Variants in MYO5A observed in about 807,000 individuals in gnomAD.
MYO5A encodes myosin VA, also known as unconventional myosin-Va.
A neutral mutation model predicts 249.7 loss-of-function variants in MYO5A; 98 were observed. The ratio of observed to expected loss-of-function variants is 0.39; its 90% confidence interval spans 0.33 to 0.46. MYO5A has a LOEUF of 0.46. MYO5A is among the 20% of genes least tolerant of loss of function. MYO5A has a pLI of 0.98. For synonymous variants in MYO5A, 778 were observed against 810.6 expected (o/e 0.96, Z 0.68); for missense variants, 1,696 against 2,308.8 (o/e 0.73, Z 5.44).
At chr15:52,437,759 C>T (rs993298182) in intron 1 of MYO5A, among the ~76,000 whole-genome samples, 3 of 152,090 alleles carry the variant, frequency 2.0e-5, no homozygotes, top group African/African-American at 4.8e-5. Context: ...TAGAAAGTGC[C>T]TTCATGTTCT....
At position 52,313,838 on chromosome 15, in the gene MYO5A, C is replaced by G. The variant is rs754970527; in HGVS notation, c.5501G>C (p.Arg1834Pro). ...SFIRTIQMRL[R>P]DRKDSPQLLM... is the part of the protein sequence containing the mutation. The stretch of plus-strand genomic sequence containing the variant: ...CAGCTGGGGAGAGTCTTTCCTGTCT[C>G]GTAAACGCATCTGAGAAGATTAGGA... The change falls in exon 42 of 42, where the codon CGA becomes CCA. Residue 1834 changes from arginine to proline, a missense_variant. Physicochemically the swap from Arg to Pro is moderately radical, Grantham distance 103. Coordinates refer to ENST00000399233, the MANE Select transcript of MYO5A (RefSeq NM_001382347.1). The G allele has an allele frequency of 6.2e-7, 1 of 1,613,630 alleles. No homozygotes were observed. Among genetic ancestry groups the G allele is most frequent in the Non-Finnish European group, 8.5e-7 (1 of 1,179,926 alleles).
At chr15:52,448,938 T>TC (rs1219225273) in intron 1 of MYO5A, among the ~76,000 whole-genome samples, 1 of 150,774 alleles carries the variant, frequency 6.6e-6, no homozygotes, top group Non-Finnish European at 1.5e-5. Context: ...TTCTTTTTTT[T>TC]TTTTCTTTTC....
rs560771541 is a variant in MYO5A at position 52,374,669 on chromosome 15, G to A, written c.2577+635C>T. 3.3e-5 allele frequency among the ~76,000 whole-genome samples: 5 copies of A among 152,330 alleles called. No homozygotes were observed. In the South Asian group the frequency reaches 1.0e-3, roughly 32 times the overall value. On this transcript the variant is annotated intron_variant, in intron 20 of 41. Transcript: ENST00000399233. ...TGGACTGATGTGGCTACAAGCACAG[G>A]AATGCTGGCAGCCACCAGAAGCTGC...
intron 1 of MYO5A, among the ~76,000 whole-genome samples, chr15:52,438,601 C>G (rs759626416): frequency 6.6e-6 from 1 of 152,162 alleles, no homozygotes. Flanking sequence ...TTAGCTCACA[C>G]CCGAGCCATC....
chr15:52,497,202 T>C (rs2077055276), intron 1 of MYO5A, among the ~76,000 whole-genome samples: 1 of 152,008 alleles, frequency 6.6e-6, no homozygotes, highest in Admixed American at 6.6e-5. Context: ...GATCAAGGGA[T>C]CCACCCACAT....
At chr15:52,523,072 T>G (rs1693506) in intron 1 of MYO5A, among the ~76,000 whole-genome samples, 111,630 of 152,156 alleles carry the variant, frequency 0.73, 42,706 homozygotes, top group Non-Finnish European at 0.83. Context: ...GCAGTCAAAA[T>G]TTGTGATGAA....
Position 52,313,559 on chromosome 15 carries a change from T to C in MYO5A, c.*137A>G. 1.8e-6 allele frequency: 2 copies of C among 1,103,918 alleles called. No homozygotes were observed. Among genetic ancestry groups the C allele is most frequent in the Non-Finnish European group, 2.7e-6 (2 of 752,692 alleles). The allele number at this position is 1,103,918 out of a possible 1,614,324, so 68.4% of individuals were successfully genotyped here. ...AAGTGATGAAAGTATTCTAGGGAGA[T>C]TTCCAGTTAATGACTTCTCATTTGG... is the stretch of plus-strand genomic sequence containing the variant. On this transcript the variant is annotated 3_prime_UTR_variant, in exon 42 of 42. Transcript: ENST00000399233.
intron 40 of MYO5A, among the ~76,000 whole-genome samples, chr15:52,315,916 A>G (rs1022250929): frequency 7.9e-5 from 12 of 151,956 alleles, no homozygotes; most frequent in Admixed American, 2.0e-4. Flanking sequence ...TGAAAATTTC[A>G]TATGTTGTAG....
Position 52,336,512 on chromosome 15 carries a change from T to C in MYO5A, c.4359A>G (p.Lys1453=). Residue 1453 remains lysine (K), a synonymous_variant, in exon 34 of 42, where the codon AAA becomes AAG. Transcript: ENST00000399233. ...QLEKQDKTVR[K]LKKQLKVFAK... is the part of the protein sequence containing the mutation. ...CAAATACTTTCAGTTGTTTTTTCAG[T>C]TTACGGACCGTCTTATCCTGTTTTT... 1.2e-6 allele frequency: 2 copies of C among 1,608,950 alleles called. No individual in the cohort carries two copies. The highest frequency in any genetic ancestry group is 1.1e-5 in the South Asian group (1 of 90,412).
chr15:52,387,691 C>G (rs2042026138), intron 14 of MYO5A, 138 bp downstream of exon 14: 1 of 672,988 alleles, frequency 1.5e-6, no homozygotes, highest in Non-Finnish European at 2.6e-6. Flanking sequence ...AGCTAAATTA[C>G]TTTGACTAAC....
intron 1 of MYO5A, among the ~76,000 whole-genome samples, chr15:52,512,994 C>T (rs1595824982): frequency 6.7e-6 from 1 of 149,902 alleles, no homozygotes; most frequent in Non-Finnish European, 1.5e-5. Context: ...GGTGACAGAG[C>T]CAGACTCTGT....
At chr15:52,405,417 A>G (rs1486040112) in intron 8 of MYO5A, 24 bp from the exon 9 acceptor site, 4 of 1,516,784 alleles carry the variant, frequency 2.6e-6, no homozygotes, top group Non-Finnish European at 2.7e-6. Flanking sequence ...GTGAATGAAC[A>G]AGTGATTAAT....
At chr15:52,448,716 T>C (rs1013917541) in intron 1 of MYO5A, among the ~76,000 whole-genome samples, 18 of 152,154 alleles carry the variant, frequency 1.2e-4, no homozygotes, top group South Asian at 8.3e-4. Flanking sequence ...GTTCTTGTGA[T>C]AGCGAATTAT....
chr15:52,330,449 G>A lies in MYO5A; in HGVS notation c.4459C>T (p.Arg1487Ter). 1 of 1,613,964 alleles carries A rather than the reference G, an allele frequency of 6.2e-7. No homozygotes were observed. The highest frequency in any genetic ancestry group is 8.5e-7 in the Non-Finnish European group (1 of 1,179,958). The change falls in exon 35 of 42, where the codon CGA (arginine) becomes TGA (stop). Residue 1487 changes from arginine to a stop codon, truncating the protein, a stop_gained. Coordinates refer to ENST00000399233, the MANE Select transcript of MYO5A (RefSeq NM_001382347.1). LOFTEE classifies it high-confidence loss of function. ...SPGQIIDEPI[R>*]PVNIPRKEKD... is the part of the protein sequence containing the mutation. ...TCTTTCCTGGGAATGTTGACTGGTC[G>A]GATGGGTTCATCAATGATCTGTCCT...
rs1055376275 is a variant in MYO5A, at chr15:52,318,913, C to T, written c.5234+147G>A. The T allele has an allele frequency of 1.2e-5, 12 of 998,404 alleles. No homozygotes were observed. The African/African-American group carries it at 1.9e-4, about 16-fold the overall frequency. 61.8% of individuals were successfully genotyped at this position (998,404 alleles called of 1,614,324 possible). On this transcript the variant is annotated intron_variant, in intron 39 of 41. Coordinates refer to ENST00000399233, the MANE Select transcript of MYO5A (RefSeq NM_001382347.1). ...AATCCAGCCAGGCAAGGGAAAGTGGCTCCGTGCCAGTTTCTCCCTTGCTGC... is the reference window on the plus strand; with the variant it reads ...AATCCAGCCAGGCAAGGGAAAGTGGTTCCGTGCCAGTTTCTCCCTTGCTGC...
intron 1 of MYO5A, among the ~76,000 whole-genome samples, chr15:52,444,949 C>T (rs1218466102): frequency 6.6e-6 from 1 of 152,196 alleles, no homozygotes; most frequent in East Asian, 1.9e-4. Context: ...GGTGCCAAAA[C>T]AGTACCTGGG....
intron 1 of MYO5A, among the ~76,000 whole-genome samples, chr15:52,437,677 A>G (rs1365932119): frequency 6.6e-6 from 1 of 152,110 alleles, no homozygotes; most frequent in African/African-American, 2.4e-5. Context: ...AAACACAAAA[A>G]AGGAAAATGT....
At chr15:52,494,698 G>T (rs1225858572) in intron 1 of MYO5A, among the ~76,000 whole-genome samples, 2 of 152,022 alleles carry the variant, frequency 1.3e-5, no homozygotes, top group Non-Finnish European at 2.9e-5. Flanking sequence ...TTGCCAAGTT[G>T]GCCAGCCTAG....
intron 12 of MYO5A, among the ~76,000 whole-genome samples, chr15:52,391,178 G>A (rs189687976): frequency 6.6e-5 from 10 of 152,250 alleles, no homozygotes; most frequent in African/African-American, 2.4e-4. Context: ...TTCATCATGA[G>A]TATATATGCA....
Sources: gnomAD v4.1 joint callset for allele counts (sites outside exome capture counted in the v4.1 genomes callset) on GRCh38, gnomAD v4.1.1 for gene constraint, MANE v1.5 for transcripts, NCBI Gene and HGNC (gene_info 2026-07-23, HGNC 2026-07-21) for gene names.